The following RASSF8 variants were observed in gnomAD, a reference collection of about 807,000 sequenced individuals.
RASSF8 encodes the protein ras association domain-containing protein 8.
RASSF8 carries 22 observed loss-of-function variants against 48.5 expected under a neutral mutation model. The ratio of observed to expected loss-of-function variants is 0.45; its 90% CI spans 0.32 to 0.65. The LOEUF is 0.65. Ranked by LOEUF, RASSF8 falls within the 30% of genes least tolerant of loss-of-function variation. RASSF8 has a pLI of 0.03. For synonymous variants in RASSF8, 127 were observed against 171.5 expected, an observed-to-expected ratio of 0.74 and a Z score of 2.03; for missense variants, 418 against 489.2, an observed-to-expected ratio of 0.85 and a Z score of 1.37.
intron 1 of RASSF8, among the ~76,000 whole-genome samples, chr12:25,984,663 G>A (rs12300961): frequency 0.11 from 17,129 of 152,180 alleles, 1,064 homozygotes; most frequent in Middle Eastern, 0.17. Context: ...TAAAAGGCAA[G>A]GGTACACACA....
chr12:26,036,317 C>T (rs1029409597), intron 2 of RASSF8, among the ~76,000 whole-genome samples: 1 of 151,988 alleles, frequency 6.6e-6, no homozygotes, highest in Non-Finnish European at 1.5e-5. Flanking sequence ...TTTGTTTCAT[C>T]CATCCCTTCA....
Position 26,068,825 on chromosome 12 carries a change from C to G in RASSF8, c.*7C>G. ...TGAAGGCATATATGTATGACATTAT[C>G]TGTCTTTAGGGAGGAGACCCAACAG... On this transcript the variant is annotated 3_prime_UTR_variant, in exon 6 of 6. Transcript: ENST00000689635. 1 of 1,536,672 alleles carries G rather than the reference C, an allele frequency of 6.5e-7. No individual in the cohort carries two copies. The highest frequency in any genetic ancestry group is 8.7e-7 in the Non-Finnish European group (1 of 1,146,542).
intron 2 of RASSF8, among the ~76,000 whole-genome samples, chr12:26,007,177 G>A (rs1188876398): frequency 6.6e-6 from 1 of 152,094 alleles, no homozygotes; most frequent in African/African-American, 2.4e-5. Context: ...ACCATCAGGG[G>A]AGGGCATTAA....
chr12:25,969,137 T>C (rs1941426771), intron 1 of RASSF8, among the ~76,000 whole-genome samples: 1 of 152,172 alleles, frequency 6.6e-6, no homozygotes, highest in Admixed American at 6.5e-5. Flanking sequence ...TAGGCCTTAT[T>C]GGCTATGACA....
At chr12:26,049,043 C>A (rs1453371178) in intron 2 of RASSF8, among the ~76,000 whole-genome samples, 1 of 152,176 alleles carries the variant, frequency 6.6e-6, no homozygotes, top group Non-Finnish European at 1.5e-5. Context: ...CAGGCGTGAA[C>A]CACTGTGCCC....
chr12:25,961,696 A>G (rs1489998230), intron 1 of RASSF8, among the ~76,000 whole-genome samples: 1 of 152,120 alleles, frequency 6.6e-6, no homozygotes, highest in African/African-American at 2.4e-5. Context: ...CATCTAATAT[A>G]TATTAGATGT....
At chr12:26,021,515 C>G (rs1942786733) in intron 2 of RASSF8, 1 of 152,246 alleles carries the variant, frequency 6.6e-6, no homozygotes, top group Non-Finnish European at 1.5e-5. Flanking sequence ...AGGCTAAACT[C>G]CTGGTGAGTG....
At chr12:26,042,378 A>G (rs1321422541) in intron 2 of RASSF8, among the ~76,000 whole-genome samples, 1 of 152,246 alleles carries the variant, frequency 6.6e-6, no homozygotes, top group East Asian at 1.9e-4. Context: ...TTTATAAACC[A>G]GAATCTGAAA....
At position 26,071,824 on chromosome 12, in the gene RASSF8, AT is replaced by A. The variant is rs1944006884; in HGVS notation, c.*3007del. ...ACTATATAAATACAGTAAAAAAAAAATAGAATTTATGGTGTGAAATATGAAG... is the reference window on the plus strand; with the variant it reads ...ACTATATAAATACAGTAAAAAAAAAAAGAATTTATGGTGTGAAATATGAAG... On this transcript the variant is annotated 3_prime_UTR_variant, in exon 6 of 6. Coordinates refer to ENST00000689635, the MANE Select transcript of RASSF8 (RefSeq NM_001394098.1). 5.8e-6 allele frequency: 5 copies of A among 861,806 alleles called. No individual in the cohort carries two copies. The highest frequency in any genetic ancestry group is 5.2e-5 in the South Asian group (1 of 19,344). 53.4% of individuals were successfully genotyped at this position (861,806 alleles called of 1,614,324 possible).
rs1943928514 is a variant in RASSF8, at chr12:26,068,426, C to T, written c.1139-271C>T. On this transcript the variant is annotated intron_variant, in intron 5 of 5. Coordinates refer to ENST00000689635, the MANE Select transcript of RASSF8 (RefSeq NM_001394098.1). ...TGATATTTAAAAGACAATTCCAAAT[C>T]TGTGTATGCATATGGTGTGAACAAC... is the stretch of plus-strand genomic sequence containing the variant. Among the ~76,000 whole-genome samples, 3 of 152,062 alleles carry T rather than the reference C, an allele frequency of 2.0e-5. No individual in the cohort carries two copies. The South Asian group carries it at 6.2e-4, about 32-fold the overall frequency.
chr12:26,074,590 G>C (rs370310794), downstream of RASSF8, among the ~76,000 whole-genome samples: 1 of 151,474 alleles, frequency 6.6e-6, no homozygotes, highest in Non-Finnish European at 1.5e-5. Context: ...TGTTCCACCC[G>C]CCTCGTCCTC....
At chr12:26,019,563 C>CTGTGTGTG (rs56895234) in intron 2 of RASSF8, among the ~76,000 whole-genome samples, 166 of 148,298 alleles carry the variant, frequency 1.1e-3, no homozygotes, top group African/African-American at 3.7e-3. Flanking sequence ...CGGGCATACA[C>CTGTGTGTG]TGTGTGTGTG....
intron 1 of RASSF8, among the ~76,000 whole-genome samples, chr12:25,961,816 T>C (rs994168178): frequency 6.6e-6 from 1 of 152,154 alleles, no homozygotes; most frequent in African/African-American, 2.4e-5. Context: ...ATCTCATCCA[T>C]CCAAGGAGTA....
chr12:26,041,762 G>T (rs1401020787), intron 2 of RASSF8, among the ~76,000 whole-genome samples: 1 of 152,060 alleles, frequency 6.6e-6, no homozygotes, highest in Non-Finnish European at 1.5e-5. Context: ...ACACGAATTT[G>T]TATAATAATG....
chr12:26,035,574 TG>T (rs1943128171), intron 2 of RASSF8, among the ~76,000 whole-genome samples: 1 of 139,936 alleles, frequency 7.1e-6, no homozygotes, highest in Non-Finnish European at 1.6e-5. Flanking sequence ...TATTATATAT[TG>T]TATATATAAT....
At chr12:25,965,449 C>T (rs1941339505) in intron 1 of RASSF8, among the ~76,000 whole-genome samples, 1 of 150,642 alleles carries the variant, frequency 6.6e-6, no homozygotes, top group Admixed American at 6.6e-5. Flanking sequence ...CACTCAACCA[C>T]TGCCTCCTAG....
intron 2 of RASSF8, among the ~76,000 whole-genome samples, chr12:26,005,164 G>GGGGTGT (rs1555163266): frequency 1.2e-4 from 18 of 149,894 alleles, no homozygotes; most frequent in African/African-American, 4.2e-4. Context: ...TTACGGATGG[G>GGGGTGT]GTGTGTGTGT....
intron 2 of RASSF8, among the ~76,000 whole-genome samples, chr12:26,049,302 G>T (rs1591800386): frequency 6.6e-6 from 1 of 152,112 alleles, no homozygotes; most frequent in East Asian, 1.9e-4. Flanking sequence ...TCTGAAGCTG[G>T]GCTAATTTTT....
chr12:26,063,193 G>T (rs185145326), intron 3 of RASSF8, among the ~76,000 whole-genome samples: 2 of 151,666 alleles, frequency 1.3e-5, no homozygotes, highest in East Asian at 3.9e-4. Flanking sequence ...GGATGGCAGC[G>T]TTGGTTTTTT....
Sources: gnomAD v4.1 joint callset for allele counts (sites outside exome capture counted in the v4.1 genomes callset) on GRCh38, gnomAD v4.1.1 for gene constraint, MANE v1.5 for transcripts, NCBI Gene and HGNC (gene_info 2026-07-23, HGNC 2026-07-21) for gene names.